The following NPHP4 variants were observed in gnomAD, a reference collection of about 807,000 sequenced individuals.
NPHP4 encodes the protein nephrocystin 4.
A neutral mutation model predicts 155.8 loss-of-function variants in NPHP4; 151 were observed. The ratio of observed to expected loss-of-function variants is 0.97; its 90% confidence interval spans 0.85 to 1.11. NPHP4 has a LOEUF of 1.11. Among genes scored for constraint, NPHP4 ranks in the 50% least tolerant of loss-of-function variants. NPHP4 has a pLI of 0.00. For synonymous variants in NPHP4, 845 were observed against 816.8 expected (o/e 1.03, Z -0.59); for missense variants, 1,956 against 1,925.7 (o/e 1.02, Z -0.29).
intron 2 of NPHP4, 136 bp downstream of exon 2, chr1:5,986,019 G>T: frequency 1.2e-6 from 1 of 840,202 alleles, no homozygotes; most frequent in Non-Finnish European, 2.0e-6. Flanking sequence ...AAACAGAATG[G>T]CTATATGGGT....
chr1:5,989,514 G>A (rs1323513952), intron 1 of NPHP4, among the ~76,000 whole-genome samples: 1 of 152,186 alleles, frequency 6.6e-6, no homozygotes, highest in Non-Finnish European at 1.5e-5. Context: ...CCAAGTTCTT[G>A]AAGAAAGAAG....
chr1:5,949,369 C>CACACACACA (rs1047844844), intron 7 of NPHP4, among the ~76,000 whole-genome samples: 2 of 151,826 alleles, frequency 1.3e-5, no homozygotes, highest in African/African-American at 4.8e-5. Context: ...CACACACACA[C>CACACACACA]AACTTGCTAA....
At chr1:5,911,231 C>T (rs1367210878) in intron 11 of NPHP4, among the ~76,000 whole-genome samples, 1 of 151,816 alleles carries the variant, frequency 6.6e-6, no homozygotes, top group African/African-American at 2.4e-5. Flanking sequence ...GTGCCTCTTA[C>T]AGTCCATTTC....
At position 5,882,234 on chromosome 1, in the gene NPHP4, C is replaced by T. The variant is rs1326145654; in HGVS notation, c.2486-1995G>A. 1.6e-4 allele frequency: 23 copies of T among 141,106 alleles called. No individual in the cohort carries two copies. The highest frequency in any genetic ancestry group is 1.5e-3 in the Admixed American group (21 of 14,302). The allele number at this position is 141,106 out of a possible 1,614,324, so 8.7% of individuals were successfully genotyped here. A position where few individuals can be genotyped will look rare whatever the true frequency, so the allele number is the denominator to read the frequency against. Reference sequence around the variant, plus strand: ...CTCAGTGGCGCGCTTACCCAGCCATCTCTCAGTGGCGCGCTTACCCAGCCA... The same window carrying T: ...CTCAGTGGCGCGCTTACCCAGCCATTTCTCAGTGGCGCGCTTACCCAGCCA... On this transcript the variant is annotated intron_variant, in intron 18 of 29. Transcript: ENST00000378156. The surrounding 1 kb of genome is among the most constrained non-coding windows in gnomAD (Gnocchi z 5.1).
intron 6 of NPHP4, 72 bp from the exon 7 acceptor site, chr1:5,952,908 TA>T: frequency 7.0e-7 from 1 of 1,433,024 alleles, no homozygotes; most frequent in Non-Finnish European, 9.4e-7. Flanking sequence ...CGAGGGTCCC[TA>T]CCCACCCCAG....
intron 6 of NPHP4, among the ~76,000 whole-genome samples, chr1:5,960,634 T>C (rs1650137848): frequency 6.6e-6 from 1 of 151,906 alleles, no homozygotes; most frequent in African/African-American, 2.4e-5. Context: ...CTCCATCACA[T>C]GACAGGTAGA....
At chr1:5,918,762 T>A (rs995655923) in intron 11 of NPHP4, among the ~76,000 whole-genome samples, 1 of 152,234 alleles carries the variant, frequency 6.6e-6, no homozygotes, top group Non-Finnish European at 1.5e-5. Context: ...CCATTTTTTT[T>A]AGAGGATGTG....
chr1:5,942,706 G>A (rs577694193), intron 9 of NPHP4, among the ~76,000 whole-genome samples: 3 of 151,890 alleles, frequency 2.0e-5, no homozygotes, highest in Admixed American at 6.6e-5. Flanking sequence ...AGGCCATCAG[G>A]GACACACATG....
chr1:5,921,880 A>C (rs1375913100), intron 11 of NPHP4, among the ~76,000 whole-genome samples: 1 of 152,234 alleles, frequency 6.6e-6, no homozygotes, highest in African/African-American at 2.4e-5. Context: ...ATCACGCCAC[A>C]CCATTTACTG....
At chr1:5,893,528 C>T (rs971642030) in intron 16 of NPHP4, among the ~76,000 whole-genome samples, 2 of 152,190 alleles carry the variant, frequency 1.3e-5, no homozygotes, top group African/African-American at 4.8e-5. Context: ...ACTTTTAGTA[C>T]TTTCACTAAT....
chr1:5,966,536 C>T (rs1557854266), intron 5 of NPHP4, among the ~76,000 whole-genome samples: 1 of 152,170 alleles, frequency 6.6e-6, no homozygotes, highest in Non-Finnish European at 1.5e-5. Context: ...CCTGAGCCAC[C>T]GTGTCTGGCC....
intron 9 of NPHP4, among the ~76,000 whole-genome samples, chr1:5,938,035 C>G (rs1646634090): frequency 1.3e-5 from 2 of 152,208 alleles, no homozygotes; most frequent in Admixed American, 1.3e-4. Flanking sequence ...AAATGACCAC[C>G]ATACAGGCGC....
intron 19 of NPHP4, among the ~76,000 whole-genome samples, chr1:5,878,872 C>G (rs554507719): frequency 6.6e-6 from 1 of 152,178 alleles, no homozygotes. Context: ...TCTGTGGGAC[C>G]AGCTGAGGAT....
chr1:5,934,866 G>C (rs869107), intron 9 of NPHP4, among the ~76,000 whole-genome samples: 61,373 of 152,054 alleles, frequency 0.4, 12,996 homozygotes, highest in East Asian at 0.75. Context: ...GAGCGAAGGA[G>C]GAGGCAAGAC....
chr1:5,980,389 G>C (rs932311206), intron 2 of NPHP4, among the ~76,000 whole-genome samples: 1 of 151,446 alleles, frequency 6.6e-6, no homozygotes, highest in African/African-American at 2.4e-5. Context: ...CTGGGCCAGG[G>C]AGGAGAGAAG....
intron 6 of NPHP4, among the ~76,000 whole-genome samples, chr1:5,957,366 C>T (rs1271840065): frequency 1.3e-5 from 2 of 152,212 alleles, no homozygotes; most frequent in African/African-American, 4.8e-5. Flanking sequence ...CCCCTAGGCC[C>T]TAACGGGCTC....
chr1:5,947,466 C>T (rs1647167888), intron 8 of NPHP4, among the ~76,000 whole-genome samples: 1 of 152,248 alleles, frequency 6.6e-6, no homozygotes. Flanking sequence ...TGGTCTCAAA[C>T]TCCTGAGCTC....
At chr1:5,980,233 G>A (rs544060688) in intron 2 of NPHP4, among the ~76,000 whole-genome samples, 1 of 152,316 alleles carries the variant, frequency 6.6e-6, no homozygotes, top group East Asian at 1.9e-4. Context: ...TGGCCTGTGG[G>A]ACATGGCCTA....
At position 5,864,046 on chromosome 1, in the gene NPHP4, G is replaced by T. The variant is rs1640921431; in HGVS notation, c.3997-13C>A. 1 of 1,612,164 alleles carries T rather than the reference G, an allele frequency of 6.2e-7. No individual in the cohort carries two copies. Among genetic ancestry groups the T allele is most frequent in the Non-Finnish European group, 8.5e-7 (1 of 1,179,258 alleles). On this transcript the variant is annotated splice_polypyrimidine_tract_variant and intron_variant, in intron 28 of 29. Coordinates refer to ENST00000378156, the MANE Select transcript of NPHP4 (RefSeq NM_015102.5). ...TGATCTCAAAGGCCTGTGGAGGGAG[G>T]GGACAGGGAGACGCTGCGGCCACTC... is the stretch of plus-strand genomic sequence containing the variant.
Sources: allele counts gnomAD v4.1 joint callset (sites outside exome capture counted in the v4.1 genomes callset), GRCh38; gene constraint gnomAD v4.1.1; non-coding constraint Gnocchi (gnomAD v3.1); transcripts MANE v1.5; gene names NCBI Gene and HGNC (gene_info 2026-07-23, HGNC 2026-07-21).